The following GALNT14 variants were observed in gnomAD, a reference collection of about 807,000 sequenced individuals.
GALNT14 encodes the protein polypeptide N-acetylgalactosaminyltransferase 14.
A neutral mutation model predicts 77.5 loss-of-function variants in GALNT14; 60 were observed. The ratio of observed to expected loss-of-function variants is 0.77; its 90% CI spans 0.63 to 0.96. GALNT14 has a LOEUF of 0.96. Ranked by LOEUF, GALNT14 falls within the 40% of genes least tolerant of loss-of-function variation. The pLI, the probability that GALNT14 is intolerant of heterozygous loss-of-function variation, is 0.00. For missense variants in GALNT14, 710 were observed against 731.0 expected (o/e 0.97, Z 0.33); for synonymous variants, 280 against 281.7 (o/e 0.99, Z 0.06).
chr2:30,899,984 G>A, the GALNT14 span, among the ~76,000 whole-genome samples: 2 of 152,214 alleles, frequency 1.3e-5, no homozygotes, highest in African/African-American at 2.4e-5. Context: ...GCTGTCCTGG[G>A]TGCTAAGAGA....
chr2:30,983,364 T>C (rs565403410), intron 2 of GALNT14, among the ~76,000 whole-genome samples: 87 of 152,364 alleles, frequency 5.7e-4, no homozygotes, highest in African/African-American at 1.9e-3. Flanking sequence ...AGTCTTAGAC[T>C]CAATAATTTG....
chr2:30,899,539 C>A, the GALNT14 span, among the ~76,000 whole-genome samples: 2 of 152,020 alleles, frequency 1.3e-5, no homozygotes, highest in South Asian at 4.2e-4. Flanking sequence ...CCAGCCCTGA[C>A]ACAGCATAGA....
intron 1 of GALNT14, among the ~76,000 whole-genome samples, chr2:31,022,044 T>G (rs988020499): frequency 6.6e-6 from 1 of 152,244 alleles, no homozygotes; most frequent in Non-Finnish European, 1.5e-5. Flanking sequence ...ATTAGATAGA[T>G]AGAAGAAAGA....
intron 1 of GALNT14, among the ~76,000 whole-genome samples, chr2:31,050,431 G>A (rs1338136446): frequency 6.6e-6 from 1 of 152,128 alleles, no homozygotes; most frequent in Non-Finnish European, 1.5e-5. Flanking sequence ...ACGTAGATGG[G>A]GGAGGAGTGG....
chr2:31,027,553 A>G lies in GALNT14; in HGVS notation c.130-34546T>C, dbSNP rs182330811. ...AGCATAGTGCAAAAGATCCTCGACA[A>G]AAGGGATCATGTCTGAGATCAGCCA... On this transcript the variant is annotated intron_variant, in intron 1 of 14. Coordinates refer to ENST00000349752, the MANE Select transcript of GALNT14 (RefSeq NM_024572.4). Among the ~76,000 whole-genome samples, 37 of 152,314 alleles carry G rather than the reference A, an allele frequency of 2.4e-4. No individual in the cohort carries two copies. The East Asian group carries it at 6.4e-3, about 26-fold the overall frequency.
At chr2:31,115,838 T>C (rs1430382957) in intron 1 of GALNT14, among the ~76,000 whole-genome samples, 3 of 152,098 alleles carry the variant, frequency 2.0e-5, no homozygotes, top group Non-Finnish European at 4.4e-5. Flanking sequence ...CTGGGCAACA[T>C]AGCAAGACCC....
chr2:31,086,746 G>A (rs547364236), intron 1 of GALNT14, among the ~76,000 whole-genome samples: 11 of 152,120 alleles, frequency 7.2e-5, no homozygotes, highest in Non-Finnish European at 1.5e-4. Context: ...CCGTACCTAA[G>A]GAATGGTTGG....
intron 1 of GALNT14, among the ~76,000 whole-genome samples, chr2:31,088,027 C>T (rs577745347): frequency 5.3e-5 from 8 of 152,296 alleles, no homozygotes; most frequent in South Asian, 2.1e-4. Context: ...AATCCACTGG[C>T]GCTTTGATCT....
chr2:31,039,962 T>C (rs1054160941), intron 1 of GALNT14, among the ~76,000 whole-genome samples: 34 of 152,038 alleles, frequency 2.2e-4, no homozygotes, highest in African/African-American at 8.0e-4. Context: ...AATAAGAGAG[T>C]CATGAAACCA....
At chr2:31,034,264 T>C (rs1672579225) in intron 1 of GALNT14, among the ~76,000 whole-genome samples, 1 of 152,236 alleles carries the variant, frequency 6.6e-6, no homozygotes, top group Non-Finnish European at 1.5e-5. Context: ...CTGCCTGGAT[T>C]ATTACATGGC....
intron 1 of GALNT14, among the ~76,000 whole-genome samples, chr2:31,064,120 G>A (rs138031771): frequency 1.4e-5 from 2 of 144,896 alleles, no homozygotes; most frequent in Non-Finnish European, 3.1e-5. Context: ...CTAGACTGGT[G>A]GCTATTGGCT....
Position 30,910,477 on chromosome 2 carries a change from A to T in GALNT14, c.*424T>A, listed in dbSNP as rs905078565. 2 of 158,616 alleles carry T rather than the reference A, an allele frequency of 1.3e-5. No homozygotes were observed. The highest frequency in any genetic ancestry group is 4.8e-5 in the African/African-American group (2 of 41,530). 9.8% of individuals were successfully genotyped at this position (158,616 alleles called of 1,614,324 possible). A position where few individuals can be genotyped will look rare whatever the true frequency, so the allele number is the denominator to read the frequency against. On this transcript the variant is annotated 3_prime_UTR_variant, in exon 15 of 15. Coordinates refer to ENST00000349752, the MANE Select transcript of GALNT14 (RefSeq NM_024572.4). ...AAAGAGCAAGAGATGTCCAGAGACA[A>T]CTTCTAAGTTTCTCTTTATTTCTTT... is the stretch of plus-strand genomic sequence containing the variant.
chr2:31,018,288 G>A (rs1287009526), intron 1 of GALNT14, among the ~76,000 whole-genome samples: 4 of 152,258 alleles, frequency 2.6e-5, no homozygotes, highest in Non-Finnish European at 1.5e-5. Context: ...AGTTGTATTA[G>A]TTTGTTTTCA....
chr2:30,984,357 CT>C (rs1485759634), intron 2 of GALNT14, among the ~76,000 whole-genome samples: 2 of 152,222 alleles, frequency 1.3e-5, no homozygotes, highest in Admixed American at 6.5e-5. Flanking sequence ...GCCTGGTACT[CT>C]TTTCTCTGTC....
At chr2:31,045,162 C>T (rs1393897651) in intron 1 of GALNT14, among the ~76,000 whole-genome samples, 2 of 152,108 alleles carry the variant, frequency 1.3e-5, no homozygotes, top group East Asian at 3.9e-4. Flanking sequence ...GAGCAGCATC[C>T]ATGATCTGGG....
intron 4 of GALNT14, among the ~76,000 whole-genome samples, 187 bp from the exon 5 acceptor site, chr2:30,956,164 T>C (rs1667358202): frequency 6.6e-6 from 1 of 152,112 alleles, no homozygotes; most frequent in African/African-American, 2.4e-5. Context: ...ACTGCTGTCA[T>C]ACAAGGTGGC....
chr2:31,076,927 G>A (rs753951736), intron 1 of GALNT14, among the ~76,000 whole-genome samples: 2 of 152,134 alleles, frequency 1.3e-5, no homozygotes, highest in African/African-American at 2.4e-5. Flanking sequence ...GCTTTCCAGT[G>A]CCTTGTACAA....
At chr2:30,981,666 C>T (rs1234275346) in intron 2 of GALNT14, among the ~76,000 whole-genome samples, 1 of 151,954 alleles carries the variant, frequency 6.6e-6, no homozygotes, top group African/African-American at 2.4e-5. Flanking sequence ...GGGGGAGGGG[C>T]ACCACTGCCG....
At chr2:31,110,064 T>G (rs1378000836) in intron 1 of GALNT14, among the ~76,000 whole-genome samples, 2 of 152,212 alleles carry the variant, frequency 1.3e-5, no homozygotes, top group Non-Finnish European at 2.9e-5. Flanking sequence ...CAATTCTACT[T>G]GAAATCGTTA....
Sources: gnomAD v4.1 joint callset for allele counts (sites outside exome capture counted in the v4.1 genomes callset) on GRCh38, gnomAD v4.1.1 for gene constraint, MANE v1.5 for transcripts, NCBI Gene and HGNC (gene_info 2026-07-23, HGNC 2026-07-21) for gene names.